CHERP: variants seen among roughly 807,000 people sequenced by gnomAD.
CHERP encodes ERPROT 213-21.
A neutral mutation model predicts 113.8 loss-of-function variants in CHERP; 8 were observed. The ratio of observed to expected loss-of-function variants is 0.07; its 90% CI spans 0.04 to 0.13. The LOEUF is 0.13. CHERP is among the 10% of genes least tolerant of loss of function. CHERP has a pLI of 1.00. For synonymous variants in CHERP, 559 were observed against 524.5 expected, an observed-to-expected ratio of 1.07 and a Z score of -0.90; for missense variants, 884 against 1,298.2, an observed-to-expected ratio of 0.68 and a Z score of 4.90.
chr19:16,531,348 A>G (rs967048802), intron 5 of CHERP, among the ~76,000 whole-genome samples: 1 of 152,182 alleles, frequency 6.6e-6, no homozygotes, highest in African/African-American at 2.4e-5. Context: ...CCAGTCCCTC[A>G]GGAACCTAGA....
At position 16,518,949 on chromosome 19, in the gene CHERP, T is replaced by C; in HGVS notation, c.*210A>G. On this transcript the variant is annotated 3_prime_UTR_variant, in exon 17 of 17. Transcript: ENST00000546361. ...CCCTGGTGGCTGCAGCGCCTCCTGGTGTGGTTTGTGGGTGGCACCCGTGCC... is the reference window on the plus strand; with the variant it reads ...CCCTGGTGGCTGCAGCGCCTCCTGGCGTGGTTTGTGGGTGGCACCCGTGCC... 1 of 582,594 alleles carries C rather than the reference T, an allele frequency of 1.7e-6. No individual in the cohort carries two copies. Among genetic ancestry groups the C allele is most frequent in the Non-Finnish European group, 3.0e-6 (1 of 334,466 alleles). The allele number at this position is 582,594 out of a possible 1,614,324, so 36.1% of individuals were successfully genotyped here. A position where few individuals can be genotyped will look rare whatever the true frequency, so the allele number is the denominator to read the frequency against.
In CHERP at chr19:16,525,661, G is replaced by A. The variant is rs1218250200; in HGVS notation, c.1322C>T (p.Pro441Leu). 2 of 1,518,518 alleles carry A rather than the reference G, an allele frequency of 1.3e-6. No individual in the cohort carries two copies. The highest frequency in any genetic ancestry group is 1.8e-6 in the Non-Finnish European group (2 of 1,134,366). The allele number at this position is 1,518,518 out of a possible 1,614,324, so 94.1% of individuals were successfully genotyped here. Residue 441 changes from proline to leucine, a missense_variant, in exon 10 of 17, where the codon CCC becomes CTC. Pro to Leu is a moderately conservative substitution (Grantham distance 98). Transcript: ENST00000546361. The surrounding 1 kb of genome is among the most constrained non-coding windows in gnomAD (Gnocchi z 6.5). The part of the protein sequence containing the change: ...WGQQQPPEQP[P>L]YPHHQGGPPH... The stretch of plus-strand genomic sequence containing the variant: ...TGGGCCGCCCTGGTGGTGCGGGTAG[G>A]GTGGCTGCTCTGGCGGCTGCAAGGG...
intron 3 of CHERP, among the ~76,000 whole-genome samples, chr19:16,534,350 G>T (rs1049620115): frequency 1.3e-5 from 2 of 152,112 alleles, no homozygotes; most frequent in African/African-American, 4.8e-5. Flanking sequence ...TGCCCAGCTG[G>T]AATTTTCTGA....
Position 16,529,802 on chromosome 19 carries a change from G to A in CHERP, c.975C>T (p.Val325=). The stretch of plus-strand genomic sequence containing the variant: ...GCTGCTGCTGCTGGGCCAGGCTGGT[G>A]ACAAACTCCTCGTGCTGCGTCTTGA... ...QTLKTQHEEF[V]TSLAQQQQQQ... The change falls in exon 8 of 17, where the codon GTC becomes GTT. Residue 325 remains valine, a synonymous_variant. Coordinates refer to ENST00000546361, the MANE Select transcript of CHERP (RefSeq NM_006387.6). The A allele has an allele frequency of 6.2e-7, 1 of 1,613,580 alleles. No homozygotes were observed. Among genetic ancestry groups the A allele is most frequent in the Non-Finnish European group, 8.5e-7 (1 of 1,179,920 alleles).
At chr19:16,540,539 A>T (rs2085771911) in intron 2 of CHERP, among the ~76,000 whole-genome samples, 2 of 147,020 alleles carry the variant, frequency 1.4e-5, no homozygotes, top group Admixed American at 1.4e-4. Flanking sequence ...CACCTGACTA[A>T]GTTTTGTAAT....
At chr19:16,542,185 T>C in intron 1 of CHERP, 142 bp from the exon 2 acceptor site, 3 of 1,105,116 alleles carry the variant, frequency 2.7e-6, no homozygotes, top group South Asian at 1.8e-5. Context: ...CGGGTCCCGA[T>C]AGGGGCCACA....
chr19:16,519,170 C>T lies in CHERP; in HGVS notation c.2740G>A (p.Glu914Lys). Residue 914 changes from glutamate (E) to lysine (K), a missense_variant, in exon 17 of 17, where the codon GAG becomes AAG. By Grantham distance (56) the Glu-to-Lys change is moderately conservative. This residue lies in a region of CHERP where 42 missense variants were observed against 105.1 expected (regional missense o/e 0.40). Transcript: ENST00000546361. The surrounding 1 kb of genome is among the most constrained non-coding windows in gnomAD (Gnocchi z 6.0). ...CCCGGCATGGGCGCCTACTTACACTCGTCCCTGGCCTTCATGCGGGCGATG... is the reference window on the plus strand; with the variant it reads ...CCCGGCATGGGCGCCTACTTACACTTGTCCCTGGCCTTCATGCGGGCGATG... ...SFIARMKARD[E>K]CK is the part of the protein sequence containing the mutation. 6.2e-7 allele frequency: 1 copy of T among 1,613,284 alleles called. No individual in the cohort carries two copies. Among genetic ancestry groups the T allele is most frequent in the Non-Finnish European group, 8.5e-7 (1 of 1,179,824 alleles).
intron 2 of CHERP, among the ~76,000 whole-genome samples, chr19:16,537,454 T>C (rs1307765122): frequency 6.6e-6 from 1 of 152,098 alleles, no homozygotes; most frequent in African/African-American, 2.4e-5. Flanking sequence ...ATCTCCATTC[T>C]GGATTCCTGA....
At chr19:16,539,238 C>A (rs939835207) in intron 2 of CHERP, among the ~76,000 whole-genome samples, 3 of 151,118 alleles carry the variant, frequency 2.0e-5, no homozygotes, top group South Asian at 2.1e-4. Context: ...AGCTCTGCCT[C>A]CCAGGTTCAC....
rs143029296 is a variant in CHERP at position 16,536,197 on chromosome 19, C to T, written c.200-561G>A. On this transcript the variant is annotated intron_variant, in intron 2 of 16. Transcript: ENST00000546361. ...CTTCTACTGACTCTCCTTGCTTCTC[C>T]AGCCCTTGGGGACAGAGACCCCTCT... Among the ~76,000 whole-genome samples the T allele has an allele frequency of 3.7e-4, 56 of 152,338 alleles. No homozygotes were observed. In the East Asian group the frequency reaches 3.9e-3, roughly 11 times the overall value.
At position 16,536,000 on chromosome 19, in the gene CHERP, C is replaced by G. The variant is rs2085738833; in HGVS notation, c.200-364G>C. 6.6e-6 allele frequency among the ~76,000 whole-genome samples: 1 copy of G among 152,218 alleles called. No homozygotes were observed. The highest frequency in any genetic ancestry group is 1.5e-5 in the Non-Finnish European group (1 of 68,030). ...GGCCCCACCTGATGCAGAACCCAGG[C>G]CTCAGTACCTCTCATCCTCCGACCT... On this transcript the variant is annotated intron_variant, in intron 2 of 16. Coordinates refer to ENST00000546361, the MANE Select transcript of CHERP (RefSeq NM_006387.6). This position sits in a 1 kb window ranked among gnomAD's most constrained non-coding sequence, Gnocchi z 4.3.
chr19:16,533,580 A>G (rs2122276322), intron 3 of CHERP, among the ~76,000 whole-genome samples: 1 of 152,236 alleles, frequency 6.6e-6, no homozygotes, highest in South Asian at 2.1e-4. Flanking sequence ...AACGTAGCGA[A>G]ACCTCATCTC....
At chr19:16,536,898 G>A (rs1162775907) in intron 2 of CHERP, among the ~76,000 whole-genome samples, 1 of 152,206 alleles carries the variant, frequency 6.6e-6, no homozygotes, top group Non-Finnish European at 1.5e-5. Context: ...TGTAATCCCA[G>A]CTACCTGAGA....
Position 16,525,740 on chromosome 19 carries a change from C to T in CHERP, c.1306-63G>A. The T allele has an allele frequency of 7.3e-7, 1 of 1,364,614 alleles. No homozygotes were observed. The highest frequency in any genetic ancestry group is 9.6e-7 in the Non-Finnish European group (1 of 1,040,114). The allele number at this position is 1,364,614 out of a possible 1,614,324, so 84.5% of individuals were successfully genotyped here. On this transcript the variant is annotated intron_variant, in intron 9 of 16. Transcript: ENST00000546361. This position sits in a 1 kb window ranked among gnomAD's most constrained non-coding sequence, Gnocchi z 6.5. ...TAGGCCCTAGTGCTCGGCAGCATCA[C>T]AGCGCTCGGCAGCATCACAGCGCTG...
At chr19:16,537,174 C>A (rs1297581976) in intron 2 of CHERP, among the ~76,000 whole-genome samples, 5 of 151,644 alleles carry the variant, frequency 3.3e-5, no homozygotes, top group Admixed American at 6.6e-5. Context: ...ACTCCCCGCA[C>A]CCCCCTCCTT....
At chr19:16,529,976 T>C (rs1290043643) in intron 7 of CHERP, 76 bp from the exon 8 acceptor site, 1 of 1,524,782 alleles carries the variant, frequency 6.6e-7, no homozygotes, top group East Asian at 2.4e-5. Flanking sequence ...GACAAACGCC[T>C]GGAAAGCAGC....
chr19:16,527,303 G>A (rs756495694), intron 9 of CHERP, among the ~76,000 whole-genome samples: 1 of 152,238 alleles, frequency 6.6e-6, no homozygotes, highest in Non-Finnish European at 1.5e-5. Context: ...GGAGGTGGGA[G>A]CTGTCTTTAT....
intron 7 of CHERP, 73 bp from the exon 8 acceptor site, chr19:16,529,973 G>T: frequency 6.5e-7 from 1 of 1,529,254 alleles, no homozygotes; most frequent in South Asian, 1.2e-5. Flanking sequence ...GAGGACAAAC[G>T]CCTGGAAAGC....
chr19:16,520,596 T>G lies in CHERP; in HGVS notation c.2202-89A>C. On this transcript the variant is annotated intron_variant, in intron 13 of 16. Transcript: ENST00000546361. The surrounding 1 kb of genome is among the most constrained non-coding windows in gnomAD (Gnocchi z 4.0). ...CCTCAGGTTCCTAGACCACCCCAGA[T>G]GCAGGGGCTCTGGCTGTGGATGTGG... 1 of 1,438,306 alleles carries G rather than the reference T, an allele frequency of 7.0e-7. No homozygotes were observed. Among genetic ancestry groups the G allele is most frequent in the Non-Finnish European group, 9.5e-7 (1 of 1,049,038 alleles). 89.1% of individuals were successfully genotyped at this position (1,438,306 alleles called of 1,614,324 possible). A position where few individuals can be genotyped will look rare whatever the true frequency, so the allele number is the denominator to read the frequency against.
Sources: gnomAD v4.1 joint callset for allele counts (sites outside exome capture counted in the v4.1 genomes callset) on GRCh38, gnomAD v4.1.1 for gene constraint, gnomAD v4.1.1 regional missense constraint, Gnocchi (gnomAD v3.1) non-coding constraint, MANE v1.5 for transcripts, NCBI Gene and HGNC (gene_info 2026-07-23, HGNC 2026-07-21) for gene names.